Variants in MYH1 observed in about 807,000 individuals in gnomAD.
The protein encoded by MYH1 is myosin-1.
A neutral mutation model predicts 225.6 loss-of-function variants in MYH1; 214 were observed. That is an observed-to-expected ratio of 0.95 (90% CI 0.85 to 1.06). MYH1 has a LOEUF of 1.06. Ranked by LOEUF, MYH1 falls within the 50% of genes least tolerant of loss-of-function variation. MYH1 has a pLI of 0.00. For missense variants in MYH1, 2,098 were observed against 2,344.2 expected (o/e 0.89, Z 2.17); for synonymous variants, 774 against 842.3 (o/e 0.92, Z 1.40).
rs368074798 is a variant in MYH1, at chr17:10,508,524, T to G, written c.1736A>C (p.His579Pro). Residue 579 changes from histidine (H) to proline (P), a missense_variant, in exon 16 of 40, where the codon CAC becomes CCC. By Grantham distance (77) the His-to-Pro change is moderately conservative (BLOSUM62 -2). Coordinates refer to ENST00000226207, the MANE Select transcript of MYH1 (RefSeq NM_005963.4). ...GCCAGCATAGTGAATCAAAGAGAAG[T>G]GGGCCTCAGGCTTGCCTTTGGCAGG... ...PKPAKGKPEA[H>P]FSLIHYAGTV... 4.3e-5 allele frequency: 70 copies of G among 1,613,966 alleles called. No individual in the cohort carries two copies. The highest frequency in any genetic ancestry group is 3.1e-5 in the Non-Finnish European group (37 of 1,180,018).
intron 39 of MYH1, 41 bp from the exon 40 acceptor site, chr17:10,492,609 A>T: frequency 6.3e-7 from 1 of 1,576,618 alleles, no homozygotes; most frequent in Non-Finnish European, 8.6e-7. Context: ...AAAGTTCAGA[A>T]TTTTTCCATT....
In MYH1 at chr17:10,514,123, C is replaced by T. The variant is rs779814264; in HGVS notation, c.535G>A (p.Gly179Arg). 35 of 1,613,944 alleles carry T rather than the reference C, an allele frequency of 2.2e-5. No individual in the cohort carries two copies. Among genetic ancestry groups the T allele is most frequent in the Middle Eastern group, 1.6e-4 (1 of 6,084 alleles). ...DRENQSILIT[G>R]ESGAGKTVNT... ...ACAGTCTTCCCTGCGCCAGATTCTCCGCTGTCAAAGACCAAACGTATGAGA... is the reference window on the plus strand; with the variant it reads ...ACAGTCTTCCCTGCGCCAGATTCTCTGCTGTCAAAGACCAAACGTATGAGA... The change falls in exon 7 of 40, where the codon GGA (glycine) becomes AGA (arginine). Residue 179 changes from glycine (G) to arginine (R), a missense_variant and splice_region_variant. Transcript: ENST00000226207.
intron 17 of MYH1, 40 bp downstream of exon 17, chr17:10,507,846 T>C (rs1182739290): frequency 1.3e-6 from 2 of 1,542,170 alleles, no homozygotes; most frequent in Non-Finnish European, 1.8e-6. Flanking sequence ...GTACATTTAA[T>C]ATCCTAAATC....
At position 10,511,978 on chromosome 17, in the gene MYH1, G is replaced by T. The variant is rs1418933344; in HGVS notation, c.1277C>A (p.Ala426Glu). 1.2e-6 allele frequency: 2 copies of T among 1,614,064 alleles called. No individual in the cohort carries two copies. The highest frequency in any genetic ancestry group is 4.5e-5 in the East Asian group (2 of 44,894). ...GACAGCTTTGGCCAGAGCACCCACT[G>T]CATTGTACACCTTCACAGATAAAGT... ...KGQTVQQVYN[A>E]VGALAKAVYD... The change falls in exon 14 of 40, where the codon GCA becomes GAA. Residue 426 changes from alanine (A) to glutamate (E), a missense_variant. Transcript: ENST00000226207.
Position 10,492,499 on chromosome 17 carries a change from G to C in MYH1, c.5737C>G (p.Arg1913Gly), listed in dbSNP as rs150858988. 2.5e-6 allele frequency: 4 copies of C among 1,614,098 alleles called. No homozygotes were observed. The highest frequency in any genetic ancestry group is 3.4e-6 in the Non-Finnish European group (4 of 1,179,988). ...ACCTGGGACTCAGCAATGTCAGCCC[G>C]TTCCTCGGCCTCCTCCAGCTCGTGC... ...IQHELEEAEE[R>G]ADIAESQVNK... The change falls in exon 40 of 40, where the codon CGG (arginine) becomes GGG (glycine). Residue 1913 changes from arginine (R) to glycine (G), a missense_variant. Physicochemically the swap from Arg to Gly is moderately radical, Grantham distance 125. Transcript: ENST00000226207.
chr17:10,515,906 A>T lies in MYH1; in HGVS notation c.505+20T>A. On this transcript the variant is annotated intron_variant, in intron 5 of 39. Transcript: ENST00000226207. ...ATGGATGGTAAAATAATTCATATGA[A>T]AACCAGCTGAGCCACTCACCAGTCA... 1 of 1,614,072 alleles carries T rather than the reference A, an allele frequency of 6.2e-7. No homozygotes were observed. The highest frequency in any genetic ancestry group is 1.7e-5 in the Admixed American group (1 of 60,016).
Position 10,494,965 on chromosome 17 carries a change from C to G in MYH1, c.5432G>C (p.Gly1811Ala), listed in dbSNP as rs746885742. 1 of 1,614,208 alleles carries G rather than the reference C, an allele frequency of 6.2e-7. No homozygotes were observed. The highest frequency in any genetic ancestry group is 8.5e-7 in the Non-Finnish European group (1 of 1,180,030). The change falls in exon 37 of 40, where the codon GGT becomes GCT. Residue 1811 changes from glycine to alanine, a missense_variant. Transcript: ENST00000226207. ...LDEAEQLALKGGKKQIQKLEA... is the reference protein window; with the variant it reads ...LDEAEQLALKAGKKQIQKLEA... ...CAGTTTCTGGATCTGCTTCTTCCCA[C>G]CCTTCAGGGCCAGCTGCTCAGCCTC...
intron 31 of MYH1, 109 bp from the exon 32 acceptor site, chr17:10,497,561 T>G: frequency 6.7e-7 from 1 of 1,485,238 alleles, no homozygotes; most frequent in Non-Finnish European, 9.0e-7. Flanking sequence ...TGAAAAAAAA[T>G]TATGAATGAG....
chr17:10,495,396 A>G, intron 35 of MYH1, 79 bp from the exon 36 acceptor site: 1 of 1,479,154 alleles, frequency 6.8e-7, no homozygotes. Flanking sequence ...TGAACCATAA[A>G]CTAATTAACT....
chr17:10,497,002 A>G, intron 33 of MYH1, 67 bp downstream of exon 33: 1 of 1,560,512 alleles, frequency 6.4e-7, no homozygotes, highest in Non-Finnish European at 8.6e-7. Flanking sequence ...TTGATTCACC[A>G]TTCCTTACAT....
In MYH1 at chr17:10,502,741, A is replaced by G. The variant is rs199503595; in HGVS notation, c.3108T>C (p.Asp1036=). ...KAKIKLEQQV[D]DLEGSLEQEK... is the part of the protein sequence containing the mutation. ...TTTTATATAATGTTAGGCTTACATC[A>G]TCCACTTGTTGTTCAAGTTTGATTT... is the stretch of plus-strand genomic sequence containing the variant. The change falls in exon 24 of 40, where the codon GAT becomes GAC. Residue 1036 remains aspartate (D), a synonymous_variant. Transcript: ENST00000226207. 64 of 1,614,150 alleles carry G rather than the reference A, an allele frequency of 4.0e-5. No homozygotes were observed. The East Asian group carries it at 1.3e-3, about 33-fold the overall frequency.
Position 10,516,502 on chromosome 17 carries a change from A to G in MYH1, c.141T>C (p.Phe47=), listed in dbSNP as rs141182916. ...SVFVVDPKES[F]VKATVQSREG... is the part of the protein sequence containing the mutation. ...CCCTGCTCTGCACTGTTGCTTTCACAAAGGACTCCTTAGGGTCCACCACAA... is the reference window on the plus strand; with the variant it reads ...CCCTGCTCTGCACTGTTGCTTTCACGAAGGACTCCTTAGGGTCCACCACAA... The change falls in exon 3 of 40, where the codon TTT becomes TTC. Residue 47 remains phenylalanine (F), a synonymous_variant. Transcript: ENST00000226207. 5.9e-5 allele frequency: 96 copies of G among 1,614,052 alleles called. No homozygotes were observed. In the Middle Eastern group the frequency reaches 1.6e-3, roughly 28 times the overall value.
chr17:10,495,630 G>C (rs1046570394), intron 35 of MYH1, among the ~76,000 whole-genome samples: 1 of 151,460 alleles, frequency 6.6e-6, no homozygotes, highest in Non-Finnish European at 1.5e-5. Context: ...GCGTGGTGGC[G>C]GGCGCCTGTA....
Position 10,492,552 on chromosome 17 carries a change from A to T in MYH1, c.5684T>A (p.Val1895Asp). 6.2e-7 allele frequency: 1 copy of T among 1,613,240 alleles called. No individual in the cohort carries two copies. The highest frequency in any genetic ancestry group is 8.5e-7 in the Non-Finnish European group (1 of 1,179,766). ...GATCCTGCGGAATTTGGAGAGGTTG[A>T]CGTTGGATTGTTCCTCCTGTGAATG... ...QAEEAEEQSN[V>D]NLSKFRRIQH... The change falls in exon 40 of 40, where the codon GTC becomes GAC. Residue 1895 changes from valine to aspartate, a missense_variant. Val to Asp is a radical substitution (Grantham distance 152). Coordinates refer to ENST00000226207, the MANE Select transcript of MYH1 (RefSeq NM_005963.4).
At chr17:10,499,830 A>G (rs2142260796) in intron 28 of MYH1, among the ~76,000 whole-genome samples, 1 of 152,314 alleles carries the variant, frequency 6.6e-6, no homozygotes, top group Non-Finnish European at 1.5e-5. Context: ...TTGAATACCA[A>G]AAGTGTAGAG....
chr17:10,501,236 C>A lies in MYH1; in HGVS notation c.3612G>T (p.Val1204=), dbSNP rs749269489. The A allele has an allele frequency of 5.6e-6, 9 of 1,614,090 alleles. No individual in the cohort carries two copies. The South Asian group carries it at 9.9e-5, about 18-fold the overall frequency. Residue 1204 remains valine (V), a synonymous_variant, in exon 27 of 40, where the codon GTG becomes GTT. Transcript: ENST00000226207. ...ATLRKKHADS[V]AELGEQIDNL... Reference sequence around the variant, plus strand: ...TGTCAATCTGCTCCCCAAGCTCGGCCACACTATCTGCATGCTTCTTCCTCA... The same window carrying A: ...TGTCAATCTGCTCCCCAAGCTCGGCAACACTATCTGCATGCTTCTTCCTCA...
chr17:10,505,554 A>G (rs2073103300), intron 19 of MYH1, 43 bp from the exon 20 acceptor site: 2 of 1,603,122 alleles, frequency 1.2e-6, no homozygotes, highest in Non-Finnish European at 1.7e-6. Flanking sequence ...GTTGCCACAG[A>G]CAAGAAATCT....
At chr17:10,517,372 C>T (rs558409702) in intron 2 of MYH1, among the ~76,000 whole-genome samples, 97 of 152,226 alleles carry the variant, frequency 6.4e-4, no homozygotes, top group African/African-American at 2.3e-3. Flanking sequence ...TTTTGACAAA[C>T]TCAACTTCTT....
In MYH1 at chr17:10,512,426, C is replaced by T. The variant is rs952907088; in HGVS notation, c.1129G>A (p.Glu377Lys). ...TTGGTACCTTCAGTGCCATCTGGCT[C>T]AGCTTGCTCCTCACGCTGCTTTTGC... is the stretch of plus-strand genomic sequence containing the variant. ...FKQKQREEQA[E>K]PDGTEVADKA... The change falls in exon 12 of 40, where the codon GAG becomes AAG. Residue 377 changes from glutamate (E) to lysine (K), a missense_variant. By Grantham distance (56) the Glu-to-Lys change is moderately conservative. Coordinates refer to ENST00000226207, the MANE Select transcript of MYH1 (RefSeq NM_005963.4). 1 of 1,614,156 alleles carries T rather than the reference C, an allele frequency of 6.2e-7. No homozygotes were observed. The highest frequency in any genetic ancestry group is 1.1e-5 in the South Asian group (1 of 91,084).
Sources: allele counts gnomAD v4.1 joint callset (sites outside exome capture counted in the v4.1 genomes callset), GRCh38; gene constraint gnomAD v4.1.1; transcripts MANE v1.5; gene names NCBI Gene and HGNC (gene_info 2026-07-23, HGNC 2026-07-21).